The following SGCZ variants were observed in gnomAD, a reference collection of about 807,000 sequenced individuals.
SGCZ encodes zeta-sarcoglycan.
In SGCZ, 40 loss-of-function variants were observed where a neutral mutation model predicts 41.3. The ratio of observed to expected loss-of-function variants is 0.97; its 90% CI spans 0.75 to 1.26. The LOEUF (loss-of-function observed/expected upper bound fraction) is 1.26. SGCZ is among the 50% of genes most tolerant of loss of function. The pLI is 0.00. For missense variants in SGCZ, 552 were observed against 369.8 expected, an observed-to-expected ratio of 1.49 and a Z score of -4.04; for synonymous variants, 206 against 137.5, an observed-to-expected ratio of 1.50 and a Z score of -3.49.
At chr8:14,804,211 G>A (rs372240625) in intron 1 of SGCZ, among the ~76,000 whole-genome samples, 4 of 97,754 alleles carry the variant, frequency 4.1e-5, no homozygotes, top group African/African-American at 1.5e-4. Flanking sequence ...CACCAGCAAC[G>A]GAACAAAGCT....
At chr8:14,797,768 C>T (rs1170688927) in intron 1 of SGCZ, among the ~76,000 whole-genome samples, 1 of 151,312 alleles carries the variant, frequency 6.6e-6, no homozygotes, top group African/African-American at 2.5e-5. Context: ...GGGTCCAGGG[C>T]CCCCTTGCTG....
Position 14,780,846 on chromosome 8 carries a change from G to C in SGCZ, c.40-225920C>G, listed in dbSNP as rs184669215. Among the ~76,000 whole-genome samples the C allele has an allele frequency of 3.6e-3, 541 of 151,574 alleles. 4 individuals are homozygous for C. Among genetic ancestry groups the C allele is most frequent in the Non-Finnish European group, 6.0e-3 (405 of 67,920 alleles). ...TCCAGAGGAATGATTTTTTCTTTTG[G>C]AATTGAAGAAATCTACAGCACACTT... On this transcript the variant is annotated intron_variant, in intron 1 of 7. Coordinates refer to ENST00000382080, the MANE Select transcript of SGCZ (RefSeq NM_139167.4).
chr8:14,583,407 C>G (rs948141365), intron 1 of SGCZ, among the ~76,000 whole-genome samples: 1 of 151,892 alleles, frequency 6.6e-6, no homozygotes, highest in African/African-American at 2.4e-5. Context: ...GGATATTAGC[C>G]CTTTGTCAGA....
chr8:15,024,853 G>A (rs1272990510), intron 1 of SGCZ, among the ~76,000 whole-genome samples: 3 of 151,980 alleles, frequency 2.0e-5, no homozygotes, highest in Admixed American at 1.3e-4. Context: ...GGAGAATGGC[G>A]TGAACCCCGG....
At chr8:14,455,292 A>G (rs1800708912) in intron 2 of SGCZ, among the ~76,000 whole-genome samples, 1 of 152,196 alleles carries the variant, frequency 6.6e-6, no homozygotes, top group African/African-American at 2.4e-5. Context: ...ATCATAGTTA[A>G]GGAAATGTAA....
At chr8:14,703,496 T>C (rs923834356) in intron 1 of SGCZ, among the ~76,000 whole-genome samples, 2 of 152,016 alleles carry the variant, frequency 1.3e-5, no homozygotes, top group African/African-American at 2.4e-5. Context: ...ACTCTCACAT[T>C]GCTTTATCTT....
At chr8:14,634,266 T>C (rs1261302163) in intron 1 of SGCZ, among the ~76,000 whole-genome samples, 1 of 151,886 alleles carries the variant, frequency 6.6e-6, no homozygotes, top group African/African-American at 2.4e-5. Context: ...AAATTTTGAA[T>C]TGGGGGGAAA....
At position 15,016,467 on chromosome 8, in the gene SGCZ, T is replaced by C. The variant is rs529685636; in HGVS notation, c.39+221118A>G. On this transcript the variant is annotated intron_variant, in intron 1 of 7. Coordinates refer to ENST00000382080, the MANE Select transcript of SGCZ (RefSeq NM_139167.4). ...GCATAATCTCTTGGCAGGATCCCAATAGATGTCTCAGGTAAAAGAGAGAAG... is the reference window on the plus strand; with the variant it reads ...GCATAATCTCTTGGCAGGATCCCAACAGATGTCTCAGGTAAAAGAGAGAAG... Among the ~76,000 whole-genome samples the C allele has an allele frequency of 3.3e-5, 5 of 152,224 alleles. 1 individual carries two copies. The highest frequency in any genetic ancestry group is 1.9e-4 in the East Asian group (1 of 5,180).
Position 14,219,111 on chromosome 8 carries a change from T to C in SGCZ, c.424+18481A>G, listed in dbSNP as rs150681661. 1.2e-3 allele frequency among the ~76,000 whole-genome samples: 189 copies of C among 152,330 alleles called. 2 individuals carry two copies. The East Asian group carries it at 0.028, about 23-fold the overall frequency. On this transcript the variant is annotated intron_variant, in intron 4 of 7. Transcript: ENST00000382080. ...GCCCTCTTACTCTATGCAGCAACAA[T>C]GAGCCATTTCTCAATTGGATTGTGA...
intron 1 of SGCZ, among the ~76,000 whole-genome samples, chr8:14,728,616 T>C (rs1174901363): frequency 2.0e-5 from 3 of 152,068 alleles, no homozygotes; most frequent in African/African-American, 4.8e-5. Context: ...TAAGGAGAAA[T>C]TTCTAGAAAA....
intron 1 of SGCZ, among the ~76,000 whole-genome samples, chr8:14,708,718 T>TA (rs985876709): frequency 2.6e-5 from 4 of 152,120 alleles, no homozygotes; most frequent in African/African-American, 9.7e-5. Context: ...TTTAGCTTTT[T>TA]ATCATAATAG....
At chr8:14,421,830 A>G (rs1799645213) in intron 2 of SGCZ, among the ~76,000 whole-genome samples, 1 of 152,182 alleles carries the variant, frequency 6.6e-6, no homozygotes, top group Admixed American at 6.6e-5. Flanking sequence ...TATAATCGAA[A>G]GGAAAAATAG....
chr8:14,158,592 A>C (rs1803947920), intron 5 of SGCZ, among the ~76,000 whole-genome samples: 1 of 152,168 alleles, frequency 6.6e-6, no homozygotes, highest in African/African-American at 2.4e-5. Context: ...ACAGTGGAGA[A>C]ATTCAAGCCA....
intron 1 of SGCZ, among the ~76,000 whole-genome samples, chr8:14,779,122 ATCCT>A (rs1249171966): frequency 6.6e-6 from 1 of 152,196 alleles, no homozygotes; most frequent in African/African-American, 2.4e-5. Context: ...TAGTCCCGTG[ATCCT>A]TGTCTTTTGG....
intron 1 of SGCZ, among the ~76,000 whole-genome samples, chr8:14,791,560 C>CA (rs1259125495): frequency 6.6e-6 from 1 of 152,134 alleles, no homozygotes; most frequent in East Asian, 1.9e-4. Flanking sequence ...CTAGAGCTGA[C>CA]AAAATCATCA....
At chr8:14,469,738 A>G (rs1256161594) in intron 2 of SGCZ, among the ~76,000 whole-genome samples, 1 of 152,124 alleles carries the variant, frequency 6.6e-6, no homozygotes, top group Admixed American at 6.5e-5. Context: ...TTAACGGCCA[A>G]TGGCTGATGG....
intron 1 of SGCZ, among the ~76,000 whole-genome samples, chr8:15,036,827 G>A (rs1803892236): frequency 6.6e-6 from 1 of 151,910 alleles, no homozygotes; most frequent in Non-Finnish European, 1.5e-5. Context: ...GATTAACATA[G>A]GTGCAAAAGT....
chr8:14,249,790 T>A (rs1223902311), intron 3 of SGCZ, among the ~76,000 whole-genome samples: 2 of 152,128 alleles, frequency 1.3e-5, no homozygotes, highest in African/African-American at 4.8e-5. Context: ...TGGAGCGATT[T>A]CAAACTTCTG....
chr8:14,485,862 T>A (rs1801658250), intron 2 of SGCZ, among the ~76,000 whole-genome samples: 1 of 107,338 alleles, frequency 9.3e-6, no homozygotes, highest in Admixed American at 1.1e-4. Flanking sequence ...TGAGACGGAG[T>A]CTCGCTCTGT....
Sources: allele counts gnomAD v4.1 joint callset (sites outside exome capture counted in the v4.1 genomes callset), GRCh38; gene constraint gnomAD v4.1.1; transcripts MANE v1.5; gene names NCBI Gene and HGNC (gene_info 2026-07-23, HGNC 2026-07-21).